EMSY: variants seen among roughly 807,000 people sequenced by gnomAD.
EMSY encodes EMSY transcriptional repressor, BRCA2 interacting, also known as BRCA2-interacting transcriptional repressor EMSY.
EMSY carries 26 observed loss-of-function variants against 134.6 expected under a neutral mutation model. The observed-to-expected ratio is 0.19, with a 90% CI of 0.14 to 0.27. EMSY has a LOEUF of 0.27. Among genes scored for constraint, EMSY ranks in the 10% least tolerant of loss-of-function variants. EMSY has a pLI of 1.00. For synonymous variants in EMSY, 579 were observed against 577.8 expected (o/e 1.00, Z -0.03); for missense variants, 1,305 against 1,611.4 (o/e 0.81, Z 3.26).
intron 9 of EMSY, among the ~76,000 whole-genome samples, chr11:76,509,290 C>T (rs778316211): frequency 3.3e-5 from 5 of 151,528 alleles, no homozygotes; most frequent in African/African-American, 1.2e-4. Context: ...GTCAGGAGTT[C>T]GAGACCAGCC....
At chr11:76,489,886 C>G (rs1188062710) in intron 8 of EMSY, among the ~76,000 whole-genome samples, 1 of 152,090 alleles carries the variant, frequency 6.6e-6, no homozygotes, top group Non-Finnish European at 1.5e-5. Context: ...ATTAAAGGCA[C>G]AAGCCACCGT....
chr11:76,455,450 G>A lies in EMSY; in HGVS notation c.245+2062G>A, dbSNP rs146480864. Among the ~76,000 whole-genome samples, 501 of 152,166 alleles carry A rather than the reference G, an allele frequency of 3.3e-3. 3 individuals carry two copies. The highest frequency in any genetic ancestry group is 5.4e-3 in the Non-Finnish European group (367 of 67,994). On this transcript the variant is annotated intron_variant, in intron 4 of 20. Transcript: ENST00000334736. ...CCTCTTCCCCTCAGAAGTAGCAACA[G>A]AGCCTAGTTCCAAAGATTATCTATA... is the stretch of plus-strand genomic sequence containing the variant.
At chr11:76,448,100 C>T (rs553126659) in intron 2 of EMSY, among the ~76,000 whole-genome samples, 4 of 152,156 alleles carry the variant, frequency 2.6e-5, no homozygotes, top group South Asian at 2.1e-4. Context: ...ACACTCTCTG[C>T]CTCATTAGTT....
intron 12 of EMSY, among the ~76,000 whole-genome samples, chr11:76,525,198 G>A (rs2136315360): frequency 6.6e-6 from 1 of 152,314 alleles, no homozygotes; most frequent in South Asian, 2.1e-4. Flanking sequence ...GATAGGTGTG[G>A]TCACTTGCAA....
At chr11:76,488,729 T>G (rs1266072889) in intron 8 of EMSY, among the ~76,000 whole-genome samples, 1 of 152,228 alleles carries the variant, frequency 6.6e-6, no homozygotes, top group Non-Finnish European at 1.5e-5. Context: ...AAGTTAGGCA[T>G]TAGCTCATTT....
At chr11:76,513,284 C>A in intron 9 of EMSY, 102 bp from the exon 11 acceptor site, 1 of 1,080,798 alleles carries the variant, frequency 9.3e-7, no homozygotes, top group Non-Finnish European at 1.2e-6. Flanking sequence ...TCTCTTTAGA[C>A]AAGACTGAGT....
chr11:76,453,214 TC>T (rs1947737028), intron 3 of EMSY, 99 bp from the exon 4 acceptor site: 1 of 987,470 alleles, frequency 1.0e-6, no homozygotes, highest in Non-Finnish European at 1.5e-6. Context: ...AGCAATCTTG[TC>T]CCCCTTCTCC....
chr11:76,446,335 G>GTGTATATATATATGTA (rs1565263085), intron 1 of EMSY, among the ~76,000 whole-genome samples: 3 of 53,088 alleles, frequency 5.7e-5, no homozygotes, highest in Non-Finnish European at 1.1e-4. Context: ...ATATATATAT[G>GTGTATATATATATGTA]TATATATATA....
intron 9 of EMSY, among the ~76,000 whole-genome samples, chr11:76,509,998 A>G (rs867683706): frequency 6.6e-6 from 1 of 152,222 alleles, no homozygotes; most frequent in Admixed American, 6.5e-5. Context: ...GTTCAAGGTT[A>G]CAGTCATCAT....
intron 12 of EMSY, among the ~76,000 whole-genome samples, chr11:76,523,704 C>CTTTTTTTTT (rs746491659): frequency 0.019 from 1,522 of 80,164 alleles, 3 homozygotes; most frequent in Non-Finnish European, 0.024. Context: ...TTGTTACTTT[C>CTTTTTTTTT]TTTTTTTTTT....
chr11:76,523,224 C>T (rs372746471), exon 12 of EMSY: 5 of 1,613,664 alleles, frequency 3.1e-6, no homozygotes, highest in Non-Finnish European at 4.2e-6. Flanking sequence ...CAAAAGACTA[C>T]AGGAAAAGGA....
intron 9 of EMSY, among the ~76,000 whole-genome samples, chr11:76,507,865 C>CTT (rs55756987): frequency 2.5e-5 from 3 of 118,632 alleles, no homozygotes; most frequent in African/African-American, 9.1e-5. Flanking sequence ...TTTTCTTTTT[C>CTT]TTTTTTTTTT....
chr11:76,488,522 CTA>C (rs1264673128), intron 8 of EMSY, among the ~76,000 whole-genome samples: 1 of 85,598 alleles, frequency 1.2e-5, no homozygotes, highest in African/African-American at 3.7e-5. Context: ...ATTATTTATG[CTA>C]TTTTTTTTTT....
intron 6 of EMSY, among the ~76,000 whole-genome samples, chr11:76,462,823 G>A (rs528670203): frequency 6.6e-6 from 1 of 152,292 alleles, no homozygotes; most frequent in African/African-American, 2.4e-5. Flanking sequence ...ATGATTTTGT[G>A]CCTCATCTTG....
intron 11 of EMSY, among the ~76,000 whole-genome samples, chr11:76,521,190 G>A (rs1489456995): frequency 5.9e-5 from 9 of 152,170 alleles, no homozygotes; most frequent in African/African-American, 2.2e-4. Context: ...AAAGTTTATG[G>A]TGTGTACTCT....
chr11:76,523,601 C>A (rs1402068130), intron 12 of EMSY, among the ~76,000 whole-genome samples: 1 of 151,544 alleles, frequency 6.6e-6, no homozygotes, highest in Non-Finnish European at 1.5e-5. Flanking sequence ...CTGTTTTATT[C>A]CTGCTTATGG....
At chr11:76,505,730 G>A (rs556418590) in intron 9 of EMSY, among the ~76,000 whole-genome samples, 6 of 151,978 alleles carry the variant, frequency 3.9e-5, no homozygotes, top group East Asian at 3.9e-4. Flanking sequence ...GGTGGCAGGC[G>A]CCTGTAGTCC....
chr11:76,475,361 C>T (rs182210141), intron 8 of EMSY, among the ~76,000 whole-genome samples: 1 of 152,160 alleles, frequency 6.6e-6, no homozygotes, highest in South Asian at 2.1e-4. Context: ...AATAAAATAT[C>T]TTGAAGCAAA....
In EMSY at chr11:76,472,961, C is replaced by T. The variant is rs1007615566; in HGVS notation, c.1108+121C>T. On this transcript the variant is annotated intron_variant, in intron 8 of 20. Transcript: ENST00000334736. ...TCCCTACTATTAGACCCAAGATCACCACCCCGTGTACCCCAGTTTGAGAAT... is the reference window on the plus strand; with the variant it reads ...TCCCTACTATTAGACCCAAGATCACTACCCCGTGTACCCCAGTTTGAGAAT... 4.5e-5 allele frequency: 42 copies of T among 940,420 alleles called. No individual in the cohort carries two copies. In the East Asian group the frequency reaches 1.0e-3, roughly 22 times the overall value. The allele number at this position is 940,420 out of a possible 1,614,324, so 58.3% of individuals were successfully genotyped here.
Sources: allele counts gnomAD v4.1 joint callset (sites outside exome capture counted in the v4.1 genomes callset), GRCh38; gene constraint gnomAD v4.1.1; transcripts MANE v1.5; gene names NCBI Gene and HGNC (gene_info 2026-07-23, HGNC 2026-07-21).